Variants in MORC1 observed in about 807,000 individuals in gnomAD.
The protein encoded by MORC1 is MORC family CW-type zinc finger 1.
A neutral mutation model predicts 134.9 loss-of-function variants in MORC1; 59 were observed. The ratio of observed to expected loss-of-function variants is 0.44; its 90% confidence interval spans 0.35 to 0.54. The LOEUF (loss-of-function observed/expected upper bound fraction) is 0.54, where lower values mean the gene tolerates loss of function less well. MORC1 is among the 20% of genes least tolerant of loss of function. MORC1 has a pLI of 0.00. For missense variants in MORC1, 947 were observed against 1,134.5 expected (o/e 0.83, Z 2.37); for synonymous variants, 395 against 391.7 (o/e 1.01, Z -0.10).
chr3:108,981,526 G>T (rs1171976279), intron 23 of MORC1, among the ~76,000 whole-genome samples: 1 of 152,048 alleles, frequency 6.6e-6, no homozygotes, highest in African/African-American at 2.4e-5. Flanking sequence ...CCATTTTAGG[G>T]ATGTTAAAGA....
intron 8 of MORC1, among the ~76,000 whole-genome samples, chr3:109,077,254 G>A (rs1950441265): frequency 6.6e-6 from 1 of 152,042 alleles, no homozygotes; most frequent in African/African-American, 2.4e-5. Context: ...ATATAATAAA[G>A]CAAATTGACT....
At chr3:109,014,890 CTTGT>C (rs1948779751) in intron 17 of MORC1, among the ~76,000 whole-genome samples, 1 of 151,854 alleles carries the variant, frequency 6.6e-6, no homozygotes, top group Non-Finnish European at 1.5e-5. Context: ...TCAAATAAAA[CTTGT>C]TTGTTTTTTG....
rs919471258 is a variant in MORC1, at chr3:109,067,805, G to A, written c.815+1827C>T. ...TAGAGATCAAAAGTAAAGCTTTTGC[G>A]AAATCCATTGGTGCGTGGTCAGGGA... On this transcript the variant is annotated intron_variant, in intron 9 of 27. Transcript: ENST00000232603. 3.3e-5 allele frequency among the ~76,000 whole-genome samples: 5 copies of A among 152,152 alleles called. 1 individual carries two copies. The highest frequency in any genetic ancestry group is 2.0e-4 in the Admixed American group (3 of 15,276).
At chr3:109,060,562 T>A in intron 11 of MORC1, among the ~76,000 whole-genome samples, 1 of 152,080 alleles carries the variant, frequency 6.6e-6, no homozygotes, top group Admixed American at 6.6e-5. Context: ...TGTCTTTTGA[T>A]GTATGGCATA....
At chr3:109,090,838 T>C (rs1304635935) in intron 8 of MORC1, among the ~76,000 whole-genome samples, 1 of 152,058 alleles carries the variant, frequency 6.6e-6, no homozygotes, top group African/African-American at 2.4e-5. Flanking sequence ...AAAATTGTTT[T>C]GGACAGCTGT....
At chr3:109,072,663 C>T (rs746632074) in intron 8 of MORC1, among the ~76,000 whole-genome samples, 9 of 152,110 alleles carry the variant, frequency 5.9e-5, no homozygotes, top group Non-Finnish European at 8.8e-5. Flanking sequence ...CAAATAAAGC[C>T]GTCCACTTAG....
intron 26 of MORC1, among the ~76,000 whole-genome samples, chr3:108,968,548 A>G (rs1356668638): frequency 6.6e-6 from 1 of 152,164 alleles, no homozygotes; most frequent in Non-Finnish European, 1.5e-5. Context: ...TTCCATTGTA[A>G]TTGCTTCTTG....
intron 14 of MORC1, chr3:109,049,086 A>C: frequency 1.1e-6 from 1 of 941,470 alleles, no homozygotes; most frequent in Non-Finnish European, 1.3e-6. Flanking sequence ...CTGCAAATAA[A>C]CTTGTCTCAT....
intron 14 of MORC1, among the ~76,000 whole-genome samples, chr3:109,042,753 AAAG>A (rs1282388126): frequency 6.6e-6 from 1 of 152,222 alleles, no homozygotes; most frequent in African/African-American, 2.4e-5. Flanking sequence ...TAGCCTTTTA[AAAG>A]AAGGAAATGT....
chr3:109,006,059 C>T (rs965926319), intron 18 of MORC1, among the ~76,000 whole-genome samples: 2 of 152,164 alleles, frequency 1.3e-5, no homozygotes, highest in Admixed American at 6.5e-5. Flanking sequence ...AGAGGACTTA[C>T]GATGACATGT....
chr3:109,092,116 G>A (rs1039365099), intron 8 of MORC1, among the ~76,000 whole-genome samples: 8 of 152,308 alleles, frequency 5.3e-5, no homozygotes, highest in East Asian at 1.9e-4. Context: ...AGCAGGAAAA[G>A]GGGAAGATAG....
chr3:109,078,643 G>A (rs1950468385), intron 8 of MORC1, among the ~76,000 whole-genome samples: 1 of 151,154 alleles, frequency 6.6e-6, no homozygotes, highest in South Asian at 2.1e-4. Context: ...AGTAGAAAAA[G>A]AAAAATAAAC....
At chr3:108,971,496 T>A (rs1039432760) in intron 24 of MORC1, 94 bp from the exon 25 acceptor site, 1 of 1,027,586 alleles carries the variant, frequency 9.7e-7, no homozygotes, top group Non-Finnish European at 1.5e-6. Flanking sequence ...GGGTATTAAA[T>A]ATCCTGGCAA....
intron 21 of MORC1, among the ~76,000 whole-genome samples, chr3:108,996,308 A>ACACACACACACACACACAC (rs1553745343): frequency 4.0e-5 from 6 of 151,302 alleles, no homozygotes; most frequent in South Asian, 2.1e-4. Context: ...ACACACACAC[A>ACACACACACACACACACAC]ACTAGAATTT....
intron 8 of MORC1, among the ~76,000 whole-genome samples, chr3:109,091,685 C>G (rs547342776): frequency 2.6e-5 from 4 of 152,092 alleles, no homozygotes; most frequent in Non-Finnish European, 5.9e-5. Context: ...ATCGCGTCCT[C>G]AGTTCAGAAA....
At chr3:108,964,003 A>G (rs1668468308) in intron 26 of MORC1, among the ~76,000 whole-genome samples, 1 of 152,216 alleles carries the variant, frequency 6.6e-6, no homozygotes, top group South Asian at 2.1e-4. Context: ...TTCACAGGCA[A>G]TGACAGAATG....
chr3:109,041,643 T>C lies in MORC1; in HGVS notation c.1331-6175A>G, dbSNP rs139489145. Among the ~76,000 whole-genome samples, 1,116 of 152,176 alleles carry C rather than the reference T, an allele frequency of 7.3e-3. 22 individuals are homozygous for C. The highest frequency in any genetic ancestry group is 0.026 in the African/African-American group (1,073 of 41,522). The stretch of plus-strand genomic sequence containing the variant: ...GCGGGCAGCTCATGAGGTCAAGAGA[T>C]CAAGACCAACCTGGCTAACATGGCG... On this transcript the variant is annotated intron_variant, in intron 14 of 27. Coordinates refer to ENST00000232603, the MANE Select transcript of MORC1 (RefSeq NM_014429.4).
At chr3:108,971,488 G>A in intron 24 of MORC1, 86 bp from the exon 25 acceptor site, 4 of 1,109,594 alleles carry the variant, frequency 3.6e-6, no homozygotes, top group Non-Finnish European at 5.3e-6. Flanking sequence ...TGTCTCCTGG[G>A]TATTAAATAT....
intron 14 of MORC1, among the ~76,000 whole-genome samples, chr3:109,038,111 C>T (rs1301018004): frequency 6.6e-6 from 1 of 152,172 alleles, no homozygotes; most frequent in Non-Finnish European, 1.5e-5. Flanking sequence ...TGTGTTGTTT[C>T]ATGACTTTTT....
Sources: gnomAD v4.1 joint callset for allele counts (sites outside exome capture counted in the v4.1 genomes callset) on GRCh38, gnomAD v4.1.1 for gene constraint, MANE v1.5 for transcripts, NCBI Gene and HGNC (gene_info 2026-07-23, HGNC 2026-07-21) for gene names.